Variants in WDR27 observed in about 807,000 individuals in gnomAD.
WDR27 encodes WD repeat domain 27.
Under a neutral mutation model 114.4 loss-of-function variants are expected in WDR27, and 100 were observed. The ratio of observed to expected loss-of-function variants is 0.87; its 90% CI spans 0.74 to 1.03. WDR27 has a LOEUF of 1.03. Ranked by LOEUF, WDR27 falls within the 50% of genes least tolerant of loss-of-function variation. The probability of loss-of-function intolerance (pLI) is 0.00; values close to 1 mark genes in which losing one functional copy is unlikely to be tolerated. For synonymous variants in WDR27, 449 were observed against 423.1 expected, an observed-to-expected ratio of 1.06 and a Z score of -0.75; for missense variants, 1,129 against 1,092.9, an observed-to-expected ratio of 1.03 and a Z score of -0.47.
the WDR27 span, among the ~76,000 whole-genome samples, chr6:169,450,893 G>T: frequency 0.022 from 3,299 of 152,206 alleles, 127 homozygotes; most frequent in African/African-American, 0.077. Context: ...GAGTGCTTCC[G>T]CCTGCTGTGA....
chr6:169,581,658 C>T lies in WDR27; in HGVS notation c.2523+1178G>A, dbSNP rs528657382. 3.9e-5 allele frequency among the ~76,000 whole-genome samples: 6 copies of T among 152,320 alleles called. No individual in the cohort carries two copies. The East Asian group carries it at 1.2e-3, about 29-fold the overall frequency. Reference sequence around the variant, plus strand: ...AATTAGGGCCAAGGATGGAATTCAGCGGTGATGCTGATGGAAGCTCTGGTC... The same window carrying T: ...AATTAGGGCCAAGGATGGAATTCAGTGGTGATGCTGATGGAAGCTCTGGTC... On this transcript the variant is annotated intron_variant, in intron 24 of 25. Coordinates refer to ENST00000448612, the MANE Select transcript of WDR27 (RefSeq NM_182552.5).
chr6:169,609,375 G>A (rs764069543), intron 22 of WDR27, among the ~76,000 whole-genome samples: 70 of 152,300 alleles, frequency 4.6e-4, no homozygotes, highest in Middle Eastern at 3.4e-3. Context: ...ACATCTGCGT[G>A]GGCATCCAGG....
chr6:169,698,674 G>A lies in WDR27; in HGVS notation c.-8+2877C>T, dbSNP rs142559115. On this transcript the variant is annotated intron_variant, in intron 1 of 25. Coordinates refer to ENST00000448612, the MANE Select transcript of WDR27 (RefSeq NM_182552.5). ...CCAGCCTCTGAAGTCGAGGGCAGCC[G>A]TGCACCAATTTCTGGTCTGGAAAGC... 5.0e-4 allele frequency among the ~76,000 whole-genome samples: 76 copies of A among 152,292 alleles called. No individual in the cohort carries two copies. The East Asian group carries it at 0.013, about 27-fold the overall frequency.
At chr6:169,591,537 C>G (rs2867156) in intron 23 of WDR27, among the ~76,000 whole-genome samples, 73,899 of 152,086 alleles carry the variant, frequency 0.49, 21,625 homozygotes, top group Non-Finnish European at 0.67. Context: ...ACACTTCTGA[C>G]TAAGGGACAG....
At chr6:169,495,891 GA>G (rs549075143) in intron 25 of WDR27, among the ~76,000 whole-genome samples, 10 of 149,630 alleles carry the variant, frequency 6.7e-5, no homozygotes, top group South Asian at 2.1e-4. Context: ...AAAACTGGGG[GA>G]AAAAAAAACA....
chr6:169,660,280 G>A (rs1825700799), intron 10 of WDR27, among the ~76,000 whole-genome samples: 2 of 152,226 alleles, frequency 1.3e-5, no homozygotes, highest in East Asian at 1.9e-4. Context: ...GGAGAGGAGT[G>A]CGCCTCGGCC....
chr6:169,651,183 C>CGGGGGGGGGGGGG (rs763059214), intron 14 of WDR27, among the ~76,000 whole-genome samples: 4 of 7,726 alleles, frequency 5.2e-4, no homozygotes, highest in Non-Finnish European at 9.9e-4. Context: ...CAGTGCGGGG[C>CGGGGGGGGGGGGG]GGGGGGGGGG....
chr6:169,474,442 G>A (rs1786855734), intron 25 of WDR27, among the ~76,000 whole-genome samples: 1 of 152,120 alleles, frequency 6.6e-6, no homozygotes, highest in Non-Finnish European at 1.5e-5. Flanking sequence ...TAGAAACATG[G>A]TAAAAGAAAA....
At chr6:169,600,531 G>A (rs1807762991) in intron 23 of WDR27, among the ~76,000 whole-genome samples, 1 of 152,150 alleles carries the variant, frequency 6.6e-6, no homozygotes, top group South Asian at 2.1e-4. Context: ...AAAGGAGGAA[G>A]TTCGAACCCA....
chr6:169,601,486 C>T (rs959481165), intron 23 of WDR27, among the ~76,000 whole-genome samples: 4 of 152,130 alleles, frequency 2.6e-5, no homozygotes, highest in African/African-American at 9.7e-5. Flanking sequence ...AATGAAAATA[C>T]CACTACTAAA....
At chr6:169,452,731 G>C (rs916064093), downstream of WDR27, among the ~76,000 whole-genome samples, 3 of 152,278 alleles carry the variant, frequency 2.0e-5, no homozygotes, top group Non-Finnish European at 4.4e-5. Flanking sequence ...GGATGGCACA[G>C]AAGCCTGAGA....
chr6:169,701,877 TCGGCGCCGACTCCGCG>T lies in WDR27; in HGVS notation c.-350_-335del. 1 of 337,760 alleles carries T rather than the reference TCGGCGCCGACTCCGCG, an allele frequency of 3.0e-6. No homozygotes were observed. Among genetic ancestry groups the T allele is most frequent in the South Asian group, 2.1e-5 (1 of 46,642 alleles). 20.9% of individuals were successfully genotyped at this position (337,760 alleles called of 1,614,324 possible). A position where few individuals can be genotyped will look rare whatever the true frequency, so the allele number is the denominator to read the frequency against. On this transcript the variant is annotated 5_prime_UTR_variant, in exon 1 of 26. Coordinates refer to ENST00000448612, the MANE Select transcript of WDR27 (RefSeq NM_182552.5). ...CACGCCCCAGAGCAGCAGCTCGGGT[TCGGCGCCGACTCCGCG>T]CCGAGACCAGCCCGCTAGGGGAGGA...
At chr6:169,647,653 G>C in intron 16 of WDR27, 120 bp downstream of exon 16, 4 of 967,890 alleles carry the variant, frequency 4.1e-6, no homozygotes, top group Non-Finnish European at 6.5e-6. Flanking sequence ...GCAACTTCAA[G>C]TAACCAAGGT....
intron 25 of WDR27, among the ~76,000 whole-genome samples, chr6:169,551,866 C>T (rs1374974324): frequency 6.6e-6 from 1 of 152,158 alleles, no homozygotes; most frequent in Non-Finnish European, 1.5e-5. Context: ...TCCGCTGCTG[C>T]TATTCTGAAC....
At chr6:169,685,253 A>C (rs1782602007) in intron 2 of WDR27, among the ~76,000 whole-genome samples, 1 of 149,688 alleles carries the variant, frequency 6.7e-6, no homozygotes, top group Admixed American at 6.6e-5. Context: ...GGACATATCA[A>C]CCATGAAAAT....
chr6:169,461,502 C>G (rs1250508645), intron 25 of WDR27, among the ~76,000 whole-genome samples: 1 of 151,824 alleles, frequency 6.6e-6, no homozygotes, highest in African/African-American at 2.4e-5. Context: ...AAATGACACA[C>G]TCAAACTACC....
chr6:169,647,899 CG>C, intron 15 of WDR27, 29 bp from the exon 16 acceptor site: 1 of 1,465,414 alleles, frequency 6.8e-7, no homozygotes, highest in Non-Finnish European at 9.2e-7. Flanking sequence ...TAACGGTGAT[CG>C]GGAGACATTC....
At chr6:169,535,773 T>A (rs2128086093) in intron 25 of WDR27, among the ~76,000 whole-genome samples, 1 of 151,372 alleles carries the variant, frequency 6.6e-6, no homozygotes, top group East Asian at 1.9e-4. Context: ...ACAAAGGAGG[T>A]TCAAGATGAA....
intron 25 of WDR27, among the ~76,000 whole-genome samples, chr6:169,499,286 G>T (rs570467888): frequency 1.3e-5 from 2 of 152,252 alleles, no homozygotes; most frequent in African/African-American, 2.4e-5. Context: ...CACACGCGGA[G>T]CTGCGCTGTT....
Sources: allele counts gnomAD v4.1 joint callset (sites outside exome capture counted in the v4.1 genomes callset), GRCh38; gene constraint gnomAD v4.1.1; transcripts MANE v1.5; gene names NCBI Gene and HGNC (gene_info 2026-07-23, HGNC 2026-07-21).